SPTBN2: variants seen among roughly 807,000 people sequenced by gnomAD.
SPTBN2 encodes spectrin beta chain, non-erythrocytic 2.
In SPTBN2, 107 loss-of-function variants were observed where a neutral mutation model predicts 284.2. The observed-to-expected ratio is 0.38, with a 90% confidence interval of 0.32 to 0.44. The LOEUF is 0.44. SPTBN2 is among the 20% of genes least tolerant of loss of function. The pLI, the probability that SPTBN2 is intolerant of heterozygous loss-of-function variation, is 1.00. For missense variants in SPTBN2, 2,569 were observed against 3,287.1 expected (o/e 0.78, Z 5.34); for synonymous variants, 1,289 against 1,354.8 (o/e 0.95, Z 1.07).
At chr11:66,699,698 G>C (rs1233296640) in intron 17 of SPTBN2, 90 bp from the exon 18 acceptor site, 2 of 1,326,828 alleles carry the variant, frequency 1.5e-6, no homozygotes, top group Non-Finnish European at 2.2e-6. Context: ...CTGAGAGGTA[G>C]GGACCAACAA....
chr11:66,723,508 C>T (rs1256811351), intron 1 of SPTBN2, among the ~76,000 whole-genome samples: 1 of 152,128 alleles, frequency 6.6e-6, no homozygotes, highest in Non-Finnish European at 1.5e-5. Context: ...ACCTGACCTA[C>T]TTGAAGGTCA....
At position 66,707,610 on chromosome 11, in the gene SPTBN2, A is replaced by G; in HGVS notation, c.1559T>C (p.Val520Ala). The G allele has an allele frequency of 1.2e-6, 2 of 1,611,266 alleles. No individual in the cohort carries two copies. The highest frequency in any genetic ancestry group is 1.7e-6 in the Non-Finnish European group (2 of 1,179,988). The stretch of plus-strand genomic sequence containing the variant: ...GAGGAGCCGCTCCCGCCGGGCGGCC[A>G]CCATCTGCCGCAAGAAGTCCCAGAG... ...ARLWDFLRQM[V>A]AARRERLLLN... is the part of the protein sequence containing the mutation. The change falls in exon 13 of 38, where the codon GTG becomes GCG. Residue 520 changes from valine to alanine, a missense_variant. This residue lies in a region of SPTBN2 where 1,012 missense variants were observed against 1,248.9 expected (regional missense o/e 0.81). Transcript: ENST00000533211. The surrounding 1 kb of genome is among the most constrained non-coding windows in gnomAD (Gnocchi z 4.9).
intron 1 of SPTBN2, among the ~76,000 whole-genome samples, chr11:66,742,986 C>G (rs1283442511): frequency 6.6e-6 from 1 of 152,188 alleles, no homozygotes; most frequent in Non-Finnish European, 1.5e-5. Context: ...TAACAATTTT[C>G]TTACAAGATA....
rs1939874644 is a variant in SPTBN2 at position 66,682,862 on chromosome 11, A to G, written c.*3009T>C. Among the ~76,000 whole-genome samples, 1 of 151,840 alleles carries G rather than the reference A, an allele frequency of 6.6e-6. No homozygotes were observed. The highest frequency in any genetic ancestry group is 2.1e-4 in the South Asian group (1 of 4,814). On this transcript the variant is annotated 3_prime_UTR_variant, in exon 38 of 38. Transcript: ENST00000533211. ...ACTGTAACCTCTGCTTCCCAGGTTC[A>G]AGCAATGCTCCTGCCTCAGCCTCCC...
In SPTBN2 at chr11:66,691,096, C is replaced by G. The variant is rs1040235296; in HGVS notation, c.5565+188G>C. Among the ~76,000 whole-genome samples, 1 of 152,146 alleles carries G rather than the reference C, an allele frequency of 6.6e-6. No homozygotes were observed. The highest frequency in any genetic ancestry group is 6.5e-5 in the Admixed American group (1 of 15,280). On this transcript the variant is annotated intron_variant, in intron 27 of 37. Transcript: ENST00000533211. The surrounding 1 kb of genome is among the most constrained non-coding windows in gnomAD (Gnocchi z 8.0). ...CCTCCCAAAGTGCTGGGATTACAGG[C>G]GAGAGCCACCGCGCCTGGCCAAACA...
In SPTBN2 at chr11:66,722,575, C is replaced by CA. The variant is rs35183530; in HGVS notation, c.-113-1136dup. On this transcript the variant is annotated intron_variant, in intron 1 of 37. Coordinates refer to ENST00000533211, the MANE Select transcript of SPTBN2 (RefSeq NM_006946.4). Reference sequence around the variant, plus strand: ...TGGGCGGCAGAATGAGACTCTGTCTCAAAAAAAAAAAAAAAAAAAAAAAAG... The same window carrying CA: ...TGGGCGGCAGAATGAGACTCTGTCTCAAAAAAAAAAAAAAAAAAAAAAAAAG... Among the ~76,000 whole-genome samples, 389 of 50,730 alleles carry CA rather than the reference C, an allele frequency of 7.7e-3. 2 individuals carry two copies. Among genetic ancestry groups the CA allele is most frequent in the Middle Eastern group, 0.019 (1 of 54 alleles). The allele number at this position is 50,730 out of a possible 152,430, so 33.3% of individuals were successfully genotyped here.
At position 66,705,802 on chromosome 11, in the gene SPTBN2, T is replaced by C. The variant is rs963618426; in HGVS notation, c.1689A>G (p.Leu563=). 1.2e-6 allele frequency: 2 copies of C among 1,612,432 alleles called. No individual in the cohort carries two copies. Among genetic ancestry groups the C allele is most frequent in the Non-Finnish European group, 1.7e-6 (2 of 1,179,846 alleles). ...GCTGCAGCAGGTCCTCCACTCCTGC[T>C]AGGTGCCTGCCCAGGTCCTGAGACT... ...RLQSQDLGRH[L]AGVEDLLQLH... is the part of the protein sequence containing the mutation. The change falls in exon 14 of 38, where the codon CTA becomes CTG. Residue 563 remains leucine, a synonymous_variant. Transcript: ENST00000533211.
At chr11:66,690,878 A>T (rs571993217) in intron 27 of SPTBN2, among the ~76,000 whole-genome samples, 5 of 152,004 alleles carry the variant, frequency 3.3e-5, no homozygotes, top group Non-Finnish European at 7.4e-5. Flanking sequence ...AGTGCAGTGG[A>T]GGGATCTCAG....
Position 66,715,363 on chromosome 11 carries a change from G to C in SPTBN2, c.342C>G (p.His114Gln). The C allele has an allele frequency of 6.2e-7, 1 of 1,614,122 alleles. No homozygotes were observed. ...GTGCCTTGTCCACGTTCTCCAGGCA[G>C]TGGATCCGCATGCGGCCCTTTGTAG... ...PKPTKGRMRI[H>Q]CLENVDKALQ... is the part of the protein sequence containing the mutation. Residue 114 changes from histidine to glutamine, a missense_variant, in exon 5 of 38, where the codon CAC (histidine) becomes CAG (glutamine). By Grantham distance (24) the His-to-Gln change is conservative. Coordinates refer to ENST00000533211, the MANE Select transcript of SPTBN2 (RefSeq NM_006946.4). This position sits in a 1 kb window ranked among gnomAD's most constrained non-coding sequence, Gnocchi z 5.3.
In SPTBN2 at chr11:66,715,410, G is replaced by A. The variant is rs1181297658; in HGVS notation, c.310-15C>T. ...GTAGGCTTTGGCTGTGGAGGGACGG[G>A]GGCAAAATGGCACGGGACTGTGGGC... is the stretch of plus-strand genomic sequence containing the variant. On this transcript the variant is annotated splice_polypyrimidine_tract_variant and intron_variant, in intron 4 of 37. Transcript: ENST00000533211. The surrounding 1 kb of genome is among the most constrained non-coding windows in gnomAD (Gnocchi z 5.3). The A allele has an allele frequency of 1.2e-6, 2 of 1,605,118 alleles. No homozygotes were observed. Among genetic ancestry groups the A allele is most frequent in the South Asian group, 1.1e-5 (1 of 90,340 alleles).
intron 15 of SPTBN2, among the ~76,000 whole-genome samples, chr11:66,704,090 A>G (rs2135436689): frequency 6.7e-6 from 1 of 148,616 alleles, no homozygotes; most frequent in Non-Finnish European, 1.5e-5. Context: ...CTCCTGCCTC[A>G]GCCTCCCGAG....
Position 66,719,018 on chromosome 11 carries a change from A to G in SPTBN2, c.157+2066T>C, listed in dbSNP as rs998922109. ...ACAGGACCCACGAGAGGGGCCCCCA[A>G]TGCAAACTCCTGTTTCCCAGAGGTT... On this transcript the variant is annotated intron_variant, in intron 3 of 37. Coordinates refer to ENST00000533211, the MANE Select transcript of SPTBN2 (RefSeq NM_006946.4). Among the ~76,000 whole-genome samples the G allele has an allele frequency of 1.1e-4, 17 of 152,204 alleles. 1 individual carries two copies. The highest frequency in any genetic ancestry group is 4.6e-4 in the Admixed American group (7 of 15,280).
chr11:66,714,600 G>T (rs1590968168), intron 5 of SPTBN2, among the ~76,000 whole-genome samples, 193 bp from the exon 6 acceptor site: 1 of 152,228 alleles, frequency 6.6e-6, no homozygotes, highest in South Asian at 2.1e-4. Context: ...CAGCAGATTA[G>T]GGTAGGATGC....
upstream of SPTBN2, among the ~76,000 whole-genome samples, chr11:66,733,546 C>A (rs1319565609): frequency 6.6e-6 from 1 of 152,078 alleles, no homozygotes; most frequent in South Asian, 2.1e-4. Context: ...GGTTTTGGAA[C>A]CTAGGTTTGA....
At position 66,708,852 on chromosome 11, in the gene SPTBN2, C is replaced by T. The variant is rs750800497; in HGVS notation, c.1191+50G>A. 8 of 1,518,802 alleles carry T rather than the reference C, an allele frequency of 5.3e-6. No individual in the cohort carries two copies. In the South Asian group the frequency reaches 5.6e-5, roughly 11 times the overall value. The allele number at this position is 1,518,802 out of a possible 1,614,324, so 94.1% of individuals were successfully genotyped here. On this transcript the variant is annotated intron_variant, in intron 11 of 37. Coordinates refer to ENST00000533211, the MANE Select transcript of SPTBN2 (RefSeq NM_006946.4). The surrounding 1 kb of genome is among the most constrained non-coding windows in gnomAD (Gnocchi z 4.4). ...GGGTTTGGGGATGTGTGCAAGGCATCTGGGCCAGGGCCTGCCCTGAGGGTG... is the reference window on the plus strand; with the variant it reads ...GGGTTTGGGGATGTGTGCAAGGCATTTGGGCCAGGGCCTGCCCTGAGGGTG...
In SPTBN2 at chr11:66,685,966, G is replaced by T; in HGVS notation, c.7078C>A (p.Pro2360Thr). 1 of 1,613,852 alleles carries T rather than the reference G, an allele frequency of 6.2e-7. No homozygotes were observed. Among genetic ancestry groups the T allele is most frequent in the Non-Finnish European group, 8.5e-7 (1 of 1,180,014 alleles). ...ACAACAGGCCCCTCAGCCCCGACGGGTGACACTGGGGGCATGGTCATGGCC... is the reference window on the plus strand; with the variant it reads ...ACAACAGGCCCCTCAGCCCCGACGGTTGACACTGGGGGCATGGTCATGGCC... ...TRAMTMPPVS[P>T]VGAEGPVVLR... The change falls in exon 38 of 38, where the codon CCC becomes ACC. Residue 2360 changes from proline to threonine, a missense_variant. By Grantham distance (38) the Pro-to-Thr change is conservative (BLOSUM62 -1). This residue lies in a region of SPTBN2 where 1,130 missense variants were observed against 1,317.3 expected (regional missense o/e 0.86). Coordinates refer to ENST00000533211, the MANE Select transcript of SPTBN2 (RefSeq NM_006946.4). This position sits in a 1 kb window ranked among gnomAD's most constrained non-coding sequence, Gnocchi z 4.4.
chr11:66,699,073 C>G lies in SPTBN2; in HGVS notation c.3786G>C (p.Lys1262Asn). 6.2e-7 allele frequency: 1 copy of G among 1,614,220 alleles called. No individual in the cohort carries two copies. Among genetic ancestry groups the G allele is most frequent in the Non-Finnish European group, 8.5e-7 (1 of 1,180,052 alleles). The change falls in exon 19 of 38, where the codon AAG becomes AAC. Residue 1262 changes from lysine to asparagine, a missense_variant. This residue lies in a region of SPTBN2 where 1,012 missense variants were observed against 1,248.9 expected (regional missense o/e 0.81). Coordinates refer to ENST00000533211, the MANE Select transcript of SPTBN2 (RefSeq NM_006946.4). ...KADSIERRHK[K>N]NQDAAQQFLG... ...GAAATTGCTGCGCTGCGTCTTGATT[C>G]TTCTTGTGCCTGGAACGACACCCTC...
Position 66,720,962 on chromosome 11 carries a change from G to A in SPTBN2, c.157+122C>T, listed in dbSNP as rs1226118863. 3.0e-6 allele frequency: 4 copies of A among 1,335,490 alleles called. No individual in the cohort carries two copies. The African/African-American group carries it at 5.8e-5, about 19-fold the overall frequency. 82.7% of individuals were successfully genotyped at this position (1,335,490 alleles called of 1,614,324 possible). A position where few individuals can be genotyped will look rare whatever the true frequency, so the allele number is the denominator to read the frequency against. The stretch of plus-strand genomic sequence containing the variant: ...ATGTGGGGACCAGGGAATTGATAGA[G>A]TGCTCTGGGTCTCCCACTTAGAAAG... On this transcript the variant is annotated intron_variant, in intron 3 of 37. Coordinates refer to ENST00000533211, the MANE Select transcript of SPTBN2 (RefSeq NM_006946.4).
At chr11:66,692,039 T>C (rs1940591199) in intron 26 of SPTBN2, among the ~76,000 whole-genome samples, 1 of 152,214 alleles carries the variant, frequency 6.6e-6, no homozygotes, top group Admixed American at 6.5e-5. Context: ...TTTGCCCTTG[T>C]CTCAGCTCAG....
Sources: allele counts gnomAD v4.1 joint callset (sites outside exome capture counted in the v4.1 genomes callset), GRCh38; gene constraint gnomAD v4.1.1; regional missense constraint gnomAD v4.1.1; non-coding constraint Gnocchi (gnomAD v3.1); transcripts MANE v1.5; gene names NCBI Gene and HGNC (gene_info 2026-07-23, HGNC 2026-07-21).